CYP2R1: variants seen among roughly 807,000 people sequenced by gnomAD.
The protein encoded by CYP2R1 is cytochrome P450 family 2 subfamily R member 1, also known as vitamin D 25-hydroxylase.
CYP2R1 carries 40 observed loss-of-function variants against 45.7 expected under a neutral mutation model. The ratio of observed to expected loss-of-function variants is 0.87; its 90% CI spans 0.68 to 1.14. CYP2R1 has a LOEUF of 1.14. Among genes scored for constraint, CYP2R1 ranks in the 50% most tolerant of loss-of-function variants. The pLI is 0.00. For synonymous variants in CYP2R1, 234 were observed against 219.3 expected, an observed-to-expected ratio of 1.07 and a Z score of -0.59; for missense variants, 605 against 602.6, an observed-to-expected ratio of 1.00 and a Z score of -0.04.
At chr11:14,885,395 C>A (rs1848575640) in intron 2 of CYP2R1, among the ~76,000 whole-genome samples, 2 of 152,100 alleles carry the variant, frequency 1.3e-5, no homozygotes, top group South Asian at 4.1e-4. Flanking sequence ...GCTTCAAGTT[C>A]TGTAAGCTTA....
In CYP2R1 at chr11:14,879,200, C is replaced by G; in HGVS notation, c.1244G>C (p.Arg415Thr). The G allele has an allele frequency of 1.2e-6, 2 of 1,613,284 alleles. No homozygotes were observed. The highest frequency in any genetic ancestry group is 1.7e-6 in the Non-Finnish European group (2 of 1,179,526). ...YSVHFDEKYW[R>T]DPEVFHPERF... ...CTCAGGATGGAACACTTCTGGGTCT[C>G]TCCAGTACTTTTCATCAAAGTGTAC... is the stretch of plus-strand genomic sequence containing the variant. The change falls in exon 4 of 5, where the codon AGA becomes ACA. Residue 415 changes from arginine (R) to threonine (T), a missense_variant. Coordinates refer to ENST00000334636, the MANE Select transcript of CYP2R1 (RefSeq NM_024514.5).
At position 14,878,085 on chromosome 11, in the gene CYP2R1, A is replaced by G; in HGVS notation, c.*37T>C. 1 of 1,609,014 alleles carries G rather than the reference A, an allele frequency of 6.2e-7. No individual in the cohort carries two copies. The highest frequency in any genetic ancestry group is 8.5e-7 in the Non-Finnish European group (1 of 1,176,456). ...TAAACCAAGTTCAGGGATAAGGCAA[A>G]TATACATTCTTGTTCCCGAAAACAT... On this transcript the variant is annotated 3_prime_UTR_variant, in exon 5 of 5. Transcript: ENST00000334636.
At chr11:14,890,477 T>A (rs1555016265) in intron 1 of CYP2R1, 1 of 976,854 alleles carries the variant, frequency 1.0e-6, no homozygotes, top group African/African-American at 1.8e-5. Flanking sequence ...AAACTATTCG[T>A]GAACCATGAA....
intron 2 of CYP2R1, among the ~76,000 whole-genome samples, chr11:14,884,794 A>G (rs1181325676): frequency 1.3e-5 from 2 of 152,144 alleles, no homozygotes; most frequent in Admixed American, 1.3e-4. Flanking sequence ...TCTAAACAAT[A>G]AATTTACAGC....
Position 14,879,432 on chromosome 11 carries a change from T to A in CYP2R1, c.1012A>T (p.Lys338Ter). 6.2e-7 allele frequency: 1 copy of A among 1,601,446 alleles called. No individual in the cohort carries two copies. The highest frequency in any genetic ancestry group is 8.5e-7 in the Non-Finnish European group (1 of 1,178,830). ...GGGCCCATAATTAAATCAATCTCTT[T>A]CTGAACTTGTCCTGTCAGAGAAAAA... is the stretch of plus-strand genomic sequence containing the variant. ...LYPNIQGQVQ[K>*]EIDLIMGPNG... is the part of the protein sequence containing the mutation. The change falls in exon 4 of 5, where the codon AAA becomes TAA. Residue 338 changes from lysine (K) to a stop codon, truncating the protein, a stop_gained. Transcript: ENST00000334636. LOFTEE classifies it high-confidence loss of function.
At chr11:14,891,813 A>C (rs1400953478) in intron 1 of CYP2R1, 168 bp downstream of exon 1, 1 of 976,162 alleles carries the variant, frequency 1.0e-6, no homozygotes, top group Non-Finnish European at 1.2e-6. Flanking sequence ...GGCGTCGAGG[A>C]CTTCTCCCTT....
intron 1 of CYP2R1, chr11:14,891,673 G>T (rs1472045509): frequency 8.6e-7 from 1 of 1,164,832 alleles, no homozygotes; most frequent in East Asian, 5.5e-5. Context: ...GGCGCGGCTG[G>T]CGAGCCAAAC....
chr11:14,879,450 G>C lies in CYP2R1; in HGVS notation c.1001-7C>G. 6.3e-7 allele frequency: 1 copy of C among 1,592,524 alleles called. No homozygotes were observed. Among genetic ancestry groups the C allele is most frequent in the African/African-American group, 1.3e-5 (1 of 74,826 alleles). On this transcript the variant is annotated splice_polypyrimidine_tract_variant and splice_region_variant and intron_variant, in intron 3 of 4. Transcript: ENST00000334636. ...ATCTCTTTCTGAACTTGTCCTGTCA[G>C]AGAAAAAGTATTCAAGTTATTATGC...
chr11:14,883,701 A>G (rs1257306264), intron 2 of CYP2R1, among the ~76,000 whole-genome samples: 1 of 152,062 alleles, frequency 6.6e-6, no homozygotes, highest in Non-Finnish European at 1.5e-5. Flanking sequence ...AATTAAACTC[A>G]AGAGCTTCTG....
upstream of CYP2R1, chr11:14,892,234 A>G (rs1555017502): frequency 4.4e-6 from 7 of 1,593,020 alleles, no homozygotes; most frequent in African/African-American, 1.3e-5. Context: ...CGAACTCCAC[A>G]GCAGCCCTGA....
chr11:14,886,060 T>C (rs1454284234), intron 1 of CYP2R1, 143 bp from the exon 2 acceptor site: 2 of 766,144 alleles, frequency 2.6e-6, no homozygotes, highest in African/African-American at 3.5e-5. Flanking sequence ...CAACTGACAA[T>C]GTTCAGAGTG....
chr11:14,880,200 A>G lies in CYP2R1; in HGVS notation c.936T>C (p.Thr312=). ...FSVGELIIAG[T]ETTTNVLRWA... ...ACCGTAGCACATTGGTTGTAGTTTC[A>G]GTTCCAGCAATGATGAGTTCACCCA... Residue 312 remains threonine (T), a synonymous_variant, in exon 3 of 5, where the codon ACT becomes ACC. Transcript: ENST00000334636. The G allele has an allele frequency of 1.2e-6, 2 of 1,613,030 alleles. No individual in the cohort carries two copies. The highest frequency in any genetic ancestry group is 1.7e-5 in the Admixed American group (1 of 59,824).
chr11:14,878,094 C>T lies in CYP2R1; in HGVS notation c.*28G>A. On this transcript the variant is annotated 3_prime_UTR_variant, in exon 5 of 5. Transcript: ENST00000334636. ...TTCAGGGATAAGGCAAATATACATT[C>T]TTGTTCCCGAAAACATCCCAGGCAG... The T allele has an allele frequency of 6.2e-7, 1 of 1,611,634 alleles. No individual in the cohort carries two copies.
Position 14,878,280 on chromosome 11 carries a change from C to G in CYP2R1, c.1348G>C (p.Gly450Arg), listed in dbSNP as rs1565176051. 6.2e-7 allele frequency: 1 copy of G among 1,612,934 alleles called. No individual in the cohort carries two copies. Among genetic ancestry groups the G allele is most frequent in the Admixed American group, 1.7e-5 (1 of 59,824 alleles). ...ATTTCCATCCGAGCCAAGTGTTCTC[C>G]AAGACAATGTCTTCTTCCTAAACAG... ...PFSLGRRHCL[G>R]EHLARMEMFL... Residue 450 changes from glycine (G) to arginine (R), a missense_variant, in exon 5 of 5, where the codon GGA becomes CGA. Transcript: ENST00000334636.
intron 4 of CYP2R1, among the ~76,000 whole-genome samples, chr11:14,878,816 C>T (rs1483319259): frequency 6.6e-6 from 1 of 152,086 alleles, no homozygotes; most frequent in Non-Finnish European, 1.5e-5. Flanking sequence ...CTCTCTGGGT[C>T]TCAGTTTCTC....
intron 1 of CYP2R1, chr11:14,887,037 CAA>C (rs1300879667): frequency 2.2e-4 from 33 of 152,326 alleles, no homozygotes; most frequent in African/African-American, 7.9e-4. Flanking sequence ...TGGTATTAGT[CAA>C]AAGTGACAGT....
At chr11:14,880,108 A>C in intron 3 of CYP2R1, 28 bp downstream of exon 3, 1 of 1,611,128 alleles carries the variant, frequency 6.2e-7, no homozygotes, top group Non-Finnish European at 8.5e-7. Context: ...GTAAGGATAG[A>C]CCCTGAGATC....
At chr11:14,891,336 C>T (rs1181686318) in intron 1 of CYP2R1, 2 of 985,298 alleles carry the variant, frequency 2.0e-6, no homozygotes, top group African/African-American at 1.7e-5. Flanking sequence ...GCTAAGGTGC[C>T]GTTCCCAGCC....
chr11:14,880,327 G>A lies in CYP2R1; in HGVS notation c.809C>T (p.Pro270Leu). ...LIEKASVNRKPQLPQHFVDAY... is the reference protein window; with the variant it reads ...LIEKASVNRKLQLPQHFVDAY... ...ATCAACAAAATGCTGAGGTAGCTGA[G>A]GCTTTCTGTTGACTGAAGCTTTTTC... The change falls in exon 3 of 5, where the codon CCT becomes CTT. Residue 270 changes from proline to leucine, a missense_variant. Pro to Leu is a moderately conservative substitution (Grantham distance 98). Coordinates refer to ENST00000334636, the MANE Select transcript of CYP2R1 (RefSeq NM_024514.5). 1 of 1,613,268 alleles carries A rather than the reference G, an allele frequency of 6.2e-7. No individual in the cohort carries two copies. Among genetic ancestry groups the A allele is most frequent in the Non-Finnish European group, 8.5e-7 (1 of 1,179,574 alleles).
Sources: gnomAD v4.1 joint callset for allele counts (sites outside exome capture counted in the v4.1 genomes callset) on GRCh38, gnomAD v4.1.1 for gene constraint, MANE v1.5 for transcripts, NCBI Gene and HGNC (gene_info 2026-07-23, HGNC 2026-07-21) for gene names.